ACSL1: variants seen among roughly 807,000 people sequenced by gnomAD.
ACSL1 encodes acyl-CoA synthetase long chain family member 1.
A neutral mutation model predicts 98.4 loss-of-function variants in ACSL1; 41 were observed. The ratio of observed to expected loss-of-function variants is 0.42; its 90% CI spans 0.32 to 0.54. The LOEUF (loss-of-function observed/expected upper bound fraction) is 0.54. ACSL1 is among the 20% of genes least tolerant of loss of function. The probability of loss-of-function intolerance (pLI) is 0.13; values close to 1 mark genes in which losing one functional copy is unlikely to be tolerated. For missense variants in ACSL1, 734 were observed against 883.1 expected (o/e 0.83, Z 2.14); for synonymous variants, 316 against 322.7 (o/e 0.98, Z 0.22).
chr4:184,775,510 A>G (rs1437289699), intron 7 of ACSL1, among the ~76,000 whole-genome samples: 2 of 152,184 alleles, frequency 1.3e-5, no homozygotes, highest in African/African-American at 4.8e-5. Flanking sequence ...AAGAAGCTAT[A>G]AAACCCCAAT....
At chr4:184,789,668 T>C (rs2150382745) in intron 2 of ACSL1, among the ~76,000 whole-genome samples, 1 of 152,350 alleles carries the variant, frequency 6.6e-6, no homozygotes, top group East Asian at 1.9e-4. Flanking sequence ...GTATATTTGC[T>C]ATGTGCAAGA....
At chr4:184,779,109 C>A (rs974002836) in intron 5 of ACSL1, among the ~76,000 whole-genome samples, 1 of 152,170 alleles carries the variant, frequency 6.6e-6, no homozygotes, top group African/African-American at 2.4e-5. Flanking sequence ...TCCAAAAGAG[C>A]TGCTCATTTA....
chr4:184,790,651 C>T (rs766929952), intron 2 of ACSL1, among the ~76,000 whole-genome samples: 1 of 152,180 alleles, frequency 6.6e-6, no homozygotes, highest in African/African-American at 2.4e-5. Context: ...TAGTGTCACG[C>T]ATTATTGTTA....
rs1204946376 is a variant in ACSL1, at chr4:184,765,159, C to T, written c.1360-234G>A. 3.9e-5 allele frequency among the ~76,000 whole-genome samples: 6 copies of T among 152,306 alleles called. No homozygotes were observed. The East Asian group carries it at 1.2e-3, about 29-fold the overall frequency. ...CCAGTGGCCAAGCGAGGGAGAACCC[C>T]TATGTGACTGGTCACCACCCAGCAG... On this transcript the variant is annotated intron_variant, in intron 14 of 20. Coordinates refer to ENST00000281455, the MANE Select transcript of ACSL1 (RefSeq NM_001995.5).
intron 1 of ACSL1, among the ~76,000 whole-genome samples, chr4:184,810,889 C>T (rs1043003544): frequency 2.2e-4 from 34 of 152,216 alleles, no homozygotes; most frequent in Admixed American, 1.5e-3. Context: ...CCTTACTGCA[C>T]GGGGTTGTTA....
chr4:184,774,584 G>A (rs1027297938), intron 7 of ACSL1, among the ~76,000 whole-genome samples: 6 of 152,042 alleles, frequency 3.9e-5, no homozygotes, highest in African/African-American at 7.2e-5. Context: ...GATGGGGTTC[G>A]GTTTACTGCA....
At chr4:184,792,940 C>T (rs1048053855) in intron 2 of ACSL1, among the ~76,000 whole-genome samples, 27 of 152,114 alleles carry the variant, frequency 1.8e-4, no homozygotes, top group Admixed American at 1.2e-3. Context: ...GGTAAGTCCA[C>T]GTAGCTATTT....
Position 184,760,406 on chromosome 4 carries a change from A to G in ACSL1, c.1733T>C (p.Met578Thr), listed in dbSNP as rs752436704. The stretch of plus-strand genomic sequence containing the variant: ...CACCTGAGCAACAGGCTCACTTCGC[A>G]TGTAGATATTTTCAATCTTTTCAGG... ...IAPEKIENIY[M>T]RSEPVAQVFV... The change falls in exon 18 of 21, where the codon ATG becomes ACG. Residue 578 changes from methionine (M) to threonine (T), a missense_variant. Coordinates refer to ENST00000281455, the MANE Select transcript of ACSL1 (RefSeq NM_001995.5). 3 of 1,614,148 alleles carry G rather than the reference A, an allele frequency of 1.9e-6. No homozygotes were observed. The highest frequency in any genetic ancestry group is 1.6e-4 in the Middle Eastern group (1 of 6,062).
chr4:184,757,384 GC>G lies in ACSL1; in HGVS notation c.1957-120del. The G allele has an allele frequency of 7.6e-7, 1 of 1,310,616 alleles. No homozygotes were observed. Among genetic ancestry groups the G allele is most frequent in the Non-Finnish European group, 1.0e-6 (1 of 967,392 alleles). 81.2% of individuals were successfully genotyped at this position (1,310,616 alleles called of 1,614,324 possible). A position where few individuals can be genotyped will look rare whatever the true frequency, so the allele number is the denominator to read the frequency against. Reference sequence around the variant, plus strand: ...CCATCCAATCCATCCTCTCATTTCAGCCAAGCTGCACCTTCTCAACAAAGGA... The same window carrying G: ...CCATCCAATCCATCCTCTCATTTCAGCAAGCTGCACCTTCTCAACAAAGGA... On this transcript the variant is annotated intron_variant, in intron 20 of 20. Coordinates refer to ENST00000281455, the MANE Select transcript of ACSL1 (RefSeq NM_001995.5). The surrounding 1 kb of genome is among the most constrained non-coding windows in gnomAD (Gnocchi z 4.5).
chr4:184,796,718 T>A (rs185120662), intron 2 of ACSL1, among the ~76,000 whole-genome samples: 1 of 152,204 alleles, frequency 6.6e-6, no homozygotes, highest in Non-Finnish European at 1.5e-5. Context: ...TCTTCTGAAG[T>A]CTCACACAGG....
Position 184,780,420 on chromosome 4 carries a change from G to A in ACSL1, c.389C>T (p.Ser130Leu), listed in dbSNP as rs749306219. 12 of 1,612,216 alleles carry A rather than the reference G, an allele frequency of 7.4e-6. No individual in the cohort carries two copies. The highest frequency in any genetic ancestry group is 2.2e-5 in the East Asian group (1 of 44,856). The change falls in exon 5 of 21, where the codon TCG becomes TTG. Residue 130 changes from serine to leucine, a missense_variant. Transcript: ENST00000281455. ...WLSYKQVAEL[S>L]ECIGSALIQK... ...GATCAGTGCTGAGCCTATGCACTCC[G>A]ACAATTCTGCAACCTAAAATGGAGA...
At position 184,756,328 on chromosome 4, in the gene ACSL1, G is replaced by C. The variant is rs1762119296; in HGVS notation, c.*797C>G. The C allele has an allele frequency of 6.6e-6, 1 of 152,594 alleles. No homozygotes were observed. The highest frequency in any genetic ancestry group is 2.1e-4 in the South Asian group (1 of 4,830). 9.5% of individuals were successfully genotyped at this position (152,594 alleles called of 1,614,324 possible). On this transcript the variant is annotated 3_prime_UTR_variant, in exon 21 of 21. Transcript: ENST00000281455. The stretch of plus-strand genomic sequence containing the variant: ...TCTTGAAATGCTTGTCTTCACTATA[G>C]AATCTAAGGCAGATTTTTAAATAAC...
chr4:184,761,623 A>T (rs911686520), intron 17 of ACSL1, among the ~76,000 whole-genome samples: 10 of 152,152 alleles, frequency 6.6e-5, no homozygotes, highest in African/African-American at 2.4e-4. Context: ...CTAATCTGTG[A>T]AACACCCTAT....
At chr4:184,776,848 C>G in intron 6 of ACSL1, 36 bp downstream of exon 6, 2 of 1,603,534 alleles carry the variant, frequency 1.2e-6, no homozygotes, top group Non-Finnish European at 1.7e-6. Flanking sequence ...TAACCAATAA[C>G]TATGCCAATA....
In ACSL1 at chr4:184,824,623, G is replaced by T. The variant is rs537018911; in HGVS notation, c.-33+1293C>A. 3.2e-4 allele frequency among the ~76,000 whole-genome samples: 48 copies of T among 152,254 alleles called. No homozygotes were observed. In the South Asian group the frequency reaches 9.7e-3, roughly 31 times the overall value. Reference sequence around the variant, plus strand: ...AGGAGGGGGGCCTCAGACTAGGGAGGTGTTTTCCGAGTTGAGTCAGAACAA... The same window carrying T: ...AGGAGGGGGGCCTCAGACTAGGGAGTTGTTTTCCGAGTTGAGTCAGAACAA... On this transcript the variant is annotated intron_variant, in intron 1 of 20. Coordinates refer to ENST00000281455, the MANE Select transcript of ACSL1 (RefSeq NM_001995.5).
At chr4:184,762,368 G>A (rs183514309) in intron 17 of ACSL1, 39 bp downstream of exon 17, 3 of 1,518,558 alleles carry the variant, frequency 2.0e-6, no homozygotes, top group Non-Finnish European at 1.8e-6. Context: ...CCCCACAGTG[G>A]AACTGAACTG....
At chr4:184,791,503 T>TG (rs1422670749) in intron 2 of ACSL1, among the ~76,000 whole-genome samples, 1 of 152,188 alleles carries the variant, frequency 6.6e-6, no homozygotes, top group African/African-American at 2.4e-5. Flanking sequence ...TCCGAAACTC[T>TG]GGGGATGCGA....
At chr4:184,800,499 G>A (rs1770307130) in intron 2 of ACSL1, among the ~76,000 whole-genome samples, 2 of 152,170 alleles carry the variant, frequency 1.3e-5, no homozygotes, top group South Asian at 2.1e-4. Flanking sequence ...AGGCTAAACC[G>A]GAACACTGGC....
intron 2 of ACSL1, among the ~76,000 whole-genome samples, chr4:184,794,546 A>ATGGGAGGTT (rs1479267065): frequency 8.5e-5 from 13 of 152,186 alleles, no homozygotes; most frequent in African/African-American, 3.1e-4. Flanking sequence ...TGCAGGAAAG[A>ATGGGAGGTT]TGGGAGGTGA....
Sources: gnomAD v4.1 joint callset for allele counts (sites outside exome capture counted in the v4.1 genomes callset) on GRCh38, gnomAD v4.1.1 for gene constraint, Gnocchi (gnomAD v3.1) non-coding constraint, MANE v1.5 for transcripts, NCBI Gene and HGNC (gene_info 2026-07-23, HGNC 2026-07-21) for gene names.